The following PROSER1 variants were observed in gnomAD, a reference collection of about 807,000 sequenced individuals.
The protein encoded by PROSER1 is proline and serine-rich protein 1.
A neutral mutation model predicts 71.8 loss-of-function variants in PROSER1; 36 were observed. The observed-to-expected ratio is 0.50, with a 90% CI of 0.38 to 0.66. The LOEUF is 0.66. PROSER1 is among the 30% of genes least tolerant of loss of function. The pLI, the probability that PROSER1 is intolerant of heterozygous loss-of-function variation, is 0.00. For missense variants in PROSER1, 1,107 were observed against 1,135.0 expected (o/e 0.98, Z 0.35); for synonymous variants, 490 against 452.4 (o/e 1.08, Z -1.06).
intron 5 of PROSER1, among the ~76,000 whole-genome samples, chr13:39,027,740 C>T (rs1297677994): frequency 6.6e-6 from 1 of 152,094 alleles, no homozygotes; most frequent in African/African-American, 2.4e-5. Flanking sequence ...AAATAACTAC[C>T]TTAGATGACA....
chr13:39,011,937 A>C (rs1869679597), intron 12 of PROSER1, 146 bp downstream of exon 12: 1 of 840,820 alleles, frequency 1.2e-6, no homozygotes, highest in Non-Finnish European at 1.8e-6. Flanking sequence ...ATTTGGAGAG[A>C]AGTAATCATC....
At chr13:39,025,717 T>TA (rs1194823797) in intron 6 of PROSER1, among the ~76,000 whole-genome samples, 14 of 152,164 alleles carry the variant, frequency 9.2e-5, no homozygotes, top group African/African-American at 3.4e-4. Context: ...ACTATCCAGC[T>TA]AAGCGTTCCA....
rs547122838 is a variant in PROSER1 at position 39,037,844 on chromosome 13, G to T, written c.-602C>A. The T allele has an allele frequency of 3.9e-5, 6 of 152,416 alleles. No individual in the cohort carries two copies. Among genetic ancestry groups the T allele is most frequent in the African/African-American group, 1.4e-4 (6 of 41,442 alleles). 9.4% of individuals were successfully genotyped at this position (152,416 alleles called of 1,614,324 possible). A position where few individuals can be genotyped will look rare whatever the true frequency, so the allele number is the denominator to read the frequency against. ...CCTCGGCCCCGGCAGCAGGCGGCCC[G>T]GCAGGCTCTTTGTTACCAGCTGCTG... On this transcript the variant is annotated 5_prime_UTR_variant, in exon 1 of 13. Coordinates refer to ENST00000352251, the MANE Select transcript of PROSER1 (RefSeq NM_025138.5).
intron 4 of PROSER1, 184 bp downstream of exon 4, chr13:39,029,097 A>T: frequency 5.0e-6 from 2 of 398,338 alleles, no homozygotes; most frequent in Non-Finnish European, 8.9e-6. Context: ...CCTTCATTTT[A>T]TAAGTTATAG....
chr13:39,011,319 A>C lies in PROSER1; in HGVS notation c.*46T>G. ...TGTCAGATTGTTCATTGCAGTTCTC[A>C]GGCAATTCTGATGTTGCTCTGAAGG... On this transcript the variant is annotated 3_prime_UTR_variant, in exon 13 of 13. Transcript: ENST00000352251. 1.3e-6 allele frequency: 2 copies of C among 1,599,900 alleles called. No individual in the cohort carries two copies. Among genetic ancestry groups the C allele is most frequent in the Non-Finnish European group, 1.7e-6 (2 of 1,169,200 alleles).
chr13:39,036,647 G>A (rs1250270997), intron 1 of PROSER1, among the ~76,000 whole-genome samples: 3 of 152,130 alleles, frequency 2.0e-5, no homozygotes, highest in South Asian at 4.1e-4. Flanking sequence ...TGGAAAGCAG[G>A]AGAAAAAAGT....
In PROSER1 at chr13:39,015,525, CT is replaced by C. The variant is rs1332853250; in HGVS notation, c.776-1050del. ...TTACAATTTATGTATAATTAAGATTCTTTTGACATAAGCAAGCTGACACGGT... is the reference window on the plus strand; with the variant it reads ...TTACAATTTATGTATAATTAAGATTCTTTGACATAAGCAAGCTGACACGGT... On this transcript the variant is annotated intron_variant, in intron 10 of 12. Transcript: ENST00000352251. Among the ~76,000 whole-genome samples, 5 of 152,230 alleles carry C rather than the reference CT, an allele frequency of 3.3e-5. No homozygotes were observed. The East Asian group carries it at 7.7e-4, about 24-fold the overall frequency.
rs575341584 is a variant in PROSER1, at chr13:39,034,831, A to G, written c.46-635T>C. On this transcript the variant is annotated intron_variant, in intron 1 of 12. Coordinates refer to ENST00000352251, the MANE Select transcript of PROSER1 (RefSeq NM_025138.5). Reference sequence around the variant, plus strand: ...TCAAAGAATTACTATGAAGACTATAATAGTGGACATTAGATGTGACATATA... The same window carrying G: ...TCAAAGAATTACTATGAAGACTATAGTAGTGGACATTAGATGTGACATATA... Among the ~76,000 whole-genome samples, 50 of 152,354 alleles carry G rather than the reference A, an allele frequency of 3.3e-4. No homozygotes were observed. The South Asian group carries it at 9.1e-3, about 28-fold the overall frequency.
chr13:39,023,852 G>C (rs1870416217), intron 7 of PROSER1: 2 of 152,662 alleles, frequency 1.3e-5, no homozygotes, highest in Admixed American at 1.3e-4. Context: ...TGAGGCAGGG[G>C]AAAGGACCCA....
At chr13:39,020,703 T>A (rs73458060) in intron 9 of PROSER1, among the ~76,000 whole-genome samples, 2,847 of 152,294 alleles carry the variant, frequency 0.019, 48 homozygotes, top group Middle Eastern at 0.058. Flanking sequence ...TCTTCCATGT[T>A]GAAAGGGTGT....
At position 39,013,823 on chromosome 13, in the gene PROSER1, T is replaced by C. The variant is rs927685448; in HGVS notation, c.1429A>G (p.Thr477Ala). Reference protein sequence around the residue: ...PLLSALKGFLTSNDTNLINSS... With the variant: ...PLLSALKGFLASNDTNLINSS... Reference sequence around the variant, plus strand: ...TTGATTAAATTGGTGTCATTGGATGTCAGAAAACCTTTTAACGCAGACAAA... The same window carrying C: ...TTGATTAAATTGGTGTCATTGGATGCCAGAAAACCTTTTAACGCAGACAAA... Residue 477 changes from threonine (T) to alanine (A), a missense_variant, in exon 11 of 13, where the codon ACA becomes GCA. Thr to Ala is a moderately conservative substitution (Grantham distance 58). Transcript: ENST00000352251. The C allele has an allele frequency of 1.2e-6, 2 of 1,614,148 alleles. No individual in the cohort carries two copies. The highest frequency in any genetic ancestry group is 2.7e-5 in the African/African-American group (2 of 75,038).
intron 2 of PROSER1, 68 bp downstream of exon 2, chr13:39,034,063 G>T: frequency 8.9e-7 from 1 of 1,128,988 alleles, no homozygotes; most frequent in Non-Finnish European, 1.2e-6. Flanking sequence ...AATTCGGCCA[G>T]CAGACAGACA....
At chr13:39,034,280 C>T in intron 1 of PROSER1, 84 bp from the exon 2 acceptor site, 1 of 1,105,136 alleles carries the variant, frequency 9.0e-7, no homozygotes, top group Non-Finnish European at 1.3e-6. Flanking sequence ...ATCAAAACTG[C>T]CCAAGCAACT....
intron 1 of PROSER1, among the ~76,000 whole-genome samples, chr13:39,035,072 A>G (rs898156307): frequency 6.6e-6 from 1 of 152,212 alleles, no homozygotes; most frequent in African/African-American, 2.4e-5. Context: ...GTACTATAAA[A>G]TAATTTTAAT....
chr13:39,023,104 T>C lies in PROSER1; in HGVS notation c.591A>G (p.Lys197=). Residue 197 remains lysine (K), a synonymous_variant, in exon 8 of 13, where the codon AAA becomes AAG. Transcript: ENST00000352251. ...ATGGAGGTATCGGATAAGGAACAGG[T>C]TTATGTGGATTATATGTTGAAGGAG... ...KPPPSTYNPH[K]PVPYPIPPCR... 2 of 1,613,116 alleles carry C rather than the reference T, an allele frequency of 1.2e-6. No individual in the cohort carries two copies. Among genetic ancestry groups the C allele is most frequent in the Non-Finnish European group, 1.7e-6 (2 of 1,179,294 alleles).
Position 39,011,281 on chromosome 13 carries a change from C to T in PROSER1, c.*84G>A, listed in dbSNP as rs962831887. The T allele has an allele frequency of 2.1e-6, 3 of 1,410,646 alleles. No individual in the cohort carries two copies. Among genetic ancestry groups the T allele is most frequent in the African/African-American group, 2.9e-5 (2 of 69,760 alleles). 87.4% of individuals were successfully genotyped at this position (1,410,646 alleles called of 1,614,324 possible). On this transcript the variant is annotated 3_prime_UTR_variant, in exon 13 of 13. Transcript: ENST00000352251. ...CTCATTCTCATTTTCCGACTTTTGG[C>T]CAGCTTCACATTTGTCAGATTGTTC...
Position 39,013,114 on chromosome 13 carries a change from G to C in PROSER1, c.2138C>G (p.Pro713Arg). 6.2e-7 allele frequency: 1 copy of C among 1,614,138 alleles called. No individual in the cohort carries two copies. The highest frequency in any genetic ancestry group is 8.5e-7 in the Non-Finnish European group (1 of 1,180,030). Residue 713 changes from proline (P) to arginine (R), a missense_variant, in exon 11 of 13, where the codon CCA becomes CGA. Pro to Arg is a moderately radical substitution (Grantham distance 103). Coordinates refer to ENST00000352251, the MANE Select transcript of PROSER1 (RefSeq NM_025138.5). ...GAGAGATACTGACGGATTAAGAGAT[G>C]GGTTGCCAGTTAAAGGAAAATTGTT... ...LTNNFPLTGN[P>R]SLNPSVSLPG...
At chr13:39,037,060 T>G in intron 1 of PROSER1, 138 bp downstream of exon 1, 1 of 660,942 alleles carries the variant, frequency 1.5e-6, no homozygotes, top group Non-Finnish European at 2.7e-6. Context: ...TATAAACTCC[T>G]CCATTACACG....
chr13:39,013,867 A>C lies in PROSER1; in HGVS notation c.1385T>G (p.Leu462Arg), dbSNP rs1869845295. Residue 462 changes from leucine (L) to arginine (R), a missense_variant, in exon 11 of 13, where the codon CTT (leucine) becomes CGT (arginine). By Grantham distance (102) the Leu-to-Arg change is moderately radical. Coordinates refer to ENST00000352251, the MANE Select transcript of PROSER1 (RefSeq NM_025138.5). ...AGACAAAAGAGGACTGTTCACACCA[A>C]GTGGACCGGCAACGCTGGGAGTAGA... Reference protein sequence around the residue: ...GGSTPSVAGPLGVNSPLLSAL... With the variant: ...GGSTPSVAGPRGVNSPLLSAL... 1 of 1,614,214 alleles carries C rather than the reference A, an allele frequency of 6.2e-7. No individual in the cohort carries two copies. The highest frequency in any genetic ancestry group is 1.3e-5 in the African/African-American group (1 of 75,050).
Sources: gnomAD v4.1 joint callset for allele counts (sites outside exome capture counted in the v4.1 genomes callset) on GRCh38, gnomAD v4.1.1 for gene constraint, MANE v1.5 for transcripts, NCBI Gene and HGNC (gene_info 2026-07-23, HGNC 2026-07-21) for gene names.